The following XRCC6 variants were observed in gnomAD, a reference collection of about 807,000 sequenced individuals.
XRCC6 encodes X-ray repair cross complementing 6, also known as DNA repair protein Ku70.
A neutral mutation model predicts 65.7 loss-of-function variants in XRCC6; 5 were observed. The ratio of observed to expected loss-of-function variants is 0.08; its 90% CI spans 0.04 to 0.16. The LOEUF (loss-of-function observed/expected upper bound fraction) is 0.16. Among genes scored for constraint, XRCC6 ranks in the 10% least tolerant of loss-of-function variants. The probability of loss-of-function intolerance (pLI) is 1.00; values close to 1 mark genes in which losing one functional copy is unlikely to be tolerated. For missense variants in XRCC6, 447 were observed against 738.1 expected, an observed-to-expected ratio of 0.61 and a Z score of 4.57; for synonymous variants, 270 against 270.6, an observed-to-expected ratio of 1.00 and a Z score of 0.02.
chr22:41,634,010 A>T (rs1439080478), intron 3 of XRCC6, among the ~76,000 whole-genome samples: 1 of 152,170 alleles, frequency 6.6e-6, no homozygotes, highest in Non-Finnish European at 1.5e-5. Context: ...AGTAGATTAA[A>T]ATATTTATGG....
chr22:41,649,137 A>ATATATATATATATATATATATATATATAT (rs1555906685), intron 7 of XRCC6, among the ~76,000 whole-genome samples: 1 of 92,892 alleles, frequency 1.1e-5, no homozygotes, highest in Non-Finnish European at 2.0e-5. Flanking sequence ...AAAAAAAAAA[A>ATATATATATATATATATATATATATATAT]AAATATATAT....
At chr22:41,623,957 A>G in intron 2 of XRCC6, among the ~76,000 whole-genome samples, 1 of 151,020 alleles carries the variant, frequency 6.6e-6, no homozygotes, top group Non-Finnish European at 1.5e-5. Flanking sequence ...TCCTGGCCTT[A>G]GGTGATTCAC....
At chr22:41,650,662 C>T (rs978808370) in intron 7 of XRCC6, 61 bp from the exon 8 acceptor site, 12 of 1,555,382 alleles carry the variant, frequency 7.7e-6, no homozygotes, top group South Asian at 1.2e-5. Context: ...TCATCATCTT[C>T]GAGTTATTTT....
intron 3 of XRCC6, among the ~76,000 whole-genome samples, chr22:41,632,253 A>T (rs1475466566): frequency 6.6e-6 from 1 of 152,142 alleles, no homozygotes; most frequent in Non-Finnish European, 1.5e-5. Context: ...TATATATCTC[A>T]TGTCTCATAA....
At chr22:41,650,557 C>T (rs1459041388) in intron 7 of XRCC6, among the ~76,000 whole-genome samples, 166 bp from the exon 8 acceptor site, 1 of 152,170 alleles carries the variant, frequency 6.6e-6, no homozygotes, top group Non-Finnish European at 1.5e-5. Context: ...CCTGCAGTCA[C>T]TCAATAAATG....
intron 6 of XRCC6, among the ~76,000 whole-genome samples, chr22:41,642,286 T>C (rs2147093426): frequency 6.6e-6 from 1 of 152,332 alleles, no homozygotes. Context: ...CCAACCATTT[T>C]AACTGAGGTG....
chr22:41,658,154 G>T, intron 10 of XRCC6, 98 bp from the exon 11 acceptor site: 9 of 1,228,772 alleles, frequency 7.3e-6, no homozygotes, highest in Non-Finnish European at 7.0e-6. Flanking sequence ...GTTTTTCTCA[G>T]CTCACCCCGG....
rs531747140 is a variant in XRCC6, at chr22:41,637,263, T to TA, written c.590-344dup. Among the ~76,000 whole-genome samples the TA allele has an allele frequency of 4.5e-4, 68 of 152,158 alleles. 3 individuals are homozygous for TA. In the South Asian group the frequency reaches 0.011, roughly 24 times the overall value. The stretch of plus-strand genomic sequence containing the variant: ...TGTGCCTAGCTAATTTTTGTATTTT[T>TA]AGTAGAGATGGGGGTTTCACCACGT... On this transcript the variant is annotated intron_variant, in intron 5 of 12. Coordinates refer to ENST00000360079, the MANE Select transcript of XRCC6 (RefSeq NM_001469.5).
chr22:41,662,150 C>T (rs922291103), intron 12 of XRCC6, among the ~76,000 whole-genome samples: 3 of 151,766 alleles, frequency 2.0e-5, no homozygotes, highest in East Asian at 1.9e-4. Context: ...AAGATCTATT[C>T]GATAATACAA....
intron 12 of XRCC6, 200 bp downstream of exon 12, chr22:41,661,644 A>G: frequency 3.7e-6 from 2 of 543,952 alleles, no homozygotes; most frequent in East Asian, 6.4e-5. Context: ...GGGAATGTAA[A>G]TTAGTACAGC....
chr22:41,639,160 A>G (rs780911302), intron 6 of XRCC6, among the ~76,000 whole-genome samples: 58 of 152,106 alleles, frequency 3.8e-4, no homozygotes, highest in Non-Finnish European at 6.0e-4. Context: ...ATTGGTGACA[A>G]CAATACCTGC....
intron 3 of XRCC6, among the ~76,000 whole-genome samples, chr22:41,633,486 C>T (rs1569083763): frequency 6.6e-6 from 1 of 151,844 alleles, no homozygotes; most frequent in Non-Finnish European, 1.5e-5. Flanking sequence ...ACACCATTCT[C>T]CTGCCTCAGC....
chr22:41,663,935 G>A lies in XRCC6; in HGVS notation c.*120G>A, dbSNP rs2068123954. 22 of 1,126,572 alleles carry A rather than the reference G, an allele frequency of 2.0e-5. No individual in the cohort carries two copies. Among genetic ancestry groups the A allele is most frequent in the Middle Eastern group, 3.1e-4 (1 of 3,254 alleles). The allele number at this position is 1,126,572 out of a possible 1,614,324, so 69.8% of individuals were successfully genotyped here. A position where few individuals can be genotyped will look rare whatever the true frequency, so the allele number is the denominator to read the frequency against. ...AGAGTCTACCCGACATAAGTCGAGGGACTTTATGTTTTTGAGGCTTTCTGT... is the reference window on the plus strand; with the variant it reads ...AGAGTCTACCCGACATAAGTCGAGGAACTTTATGTTTTTGAGGCTTTCTGT... On this transcript the variant is annotated 3_prime_UTR_variant, in exon 13 of 13. Transcript: ENST00000360079.
At chr22:41,629,733 G>C (rs1199794218) in intron 3 of XRCC6, among the ~76,000 whole-genome samples, 2 of 151,842 alleles carry the variant, frequency 1.3e-5, no homozygotes, top group African/African-American at 4.8e-5. Context: ...GCAGTGGCGT[G>C]ATCTTGGCTC....
chr22:41,649,625 C>T (rs1007422994), intron 7 of XRCC6, among the ~76,000 whole-genome samples: 16 of 151,774 alleles, frequency 1.1e-4, no homozygotes, highest in Admixed American at 2.0e-4. Flanking sequence ...GAGGCTGAGG[C>T]GGGCGGATCA....
chr22:41,628,988 A>AAC, intron 3 of XRCC6, among the ~76,000 whole-genome samples: 1 of 151,462 alleles, frequency 6.6e-6, no homozygotes, highest in African/African-American at 2.4e-5. Flanking sequence ...AAAAAAAAAA[A>AAC]ACAATTCTCC....
intron 5 of XRCC6, among the ~76,000 whole-genome samples, chr22:41,637,122 C>T (rs1372168846): frequency 4.8e-5 from 7 of 144,606 alleles, no homozygotes; most frequent in Non-Finnish European, 9.0e-5. Context: ...CTCACTCTGT[C>T]CCCCAGGCTA....
At chr22:41,632,734 G>T (rs547355582) in intron 3 of XRCC6, among the ~76,000 whole-genome samples, 16 of 151,560 alleles carry the variant, frequency 1.1e-4, no homozygotes, top group South Asian at 6.3e-4. Context: ...GGGGTGAGAG[G>T]ATTGCTTGAG....
intron 6 of XRCC6, among the ~76,000 whole-genome samples, chr22:41,644,218 C>T (rs904201242): frequency 3.3e-5 from 5 of 151,602 alleles, no homozygotes; most frequent in African/African-American, 1.2e-4. Flanking sequence ...GTTTAATTTT[C>T]AAAAATTTCA....
Sources: gnomAD v4.1 joint callset for allele counts (sites outside exome capture counted in the v4.1 genomes callset) on GRCh38, gnomAD v4.1.1 for gene constraint, MANE v1.5 for transcripts, NCBI Gene and HGNC (gene_info 2026-07-23, HGNC 2026-07-21) for gene names.